ADGRF3: variants seen among roughly 807,000 people sequenced by gnomAD.
ADGRF3 encodes adhesion G protein-coupled receptor F3, also known as G protein-coupled receptor 113.
Under a neutral mutation model 93.2 loss-of-function variants are expected in ADGRF3, and 85 were observed. The observed-to-expected ratio is 0.91, with a 90% CI of 0.77 to 1.09. The LOEUF is 1.09. ADGRF3 is among the 50% of genes least tolerant of loss of function. The probability of loss-of-function intolerance (pLI) is 0.00; values close to 1 mark genes in which losing one functional copy is unlikely to be tolerated. For synonymous variants in ADGRF3, 534 were observed against 532.5 expected, an observed-to-expected ratio of 1.00 and a Z score of -0.04; for missense variants, 1,125 against 1,246.2, an observed-to-expected ratio of 0.90 and a Z score of 1.46.
Position 26,311,902 on chromosome 2 carries a change from A to G in ADGRF3, c.1622T>C (p.Leu541Pro), listed in dbSNP as rs763653034. 1 of 1,613,938 alleles carries G rather than the reference A, an allele frequency of 6.2e-7. No individual in the cohort carries two copies. Among genetic ancestry groups the G allele is most frequent in the Non-Finnish European group, 8.5e-7 (1 of 1,179,850 alleles). Reference protein sequence around the residue: ...HPFAFSLPNVLLQSQLFGPTF... With the variant: ...HPFAFSLPNVPLQSQLFGPTF... ...GGGTCCAAACAGCTGGCTCTGCAGC[A>G]GCACATTGGGTAAGCTGAAGGCGAA... The change falls in exon 10 of 14, where the codon CTG (leucine) becomes CCG (proline). Residue 541 changes from leucine to proline, a missense_variant. Physicochemically the swap from Leu to Pro is moderately conservative, Grantham distance 98 (BLOSUM62 -3). Coordinates refer to ENST00000651242, the MANE Select transcript of ADGRF3 (RefSeq NM_001321971.2).
At chr2:26,325,974 T>C (rs931275353) in intron 1 of ADGRF3, among the ~76,000 whole-genome samples, 1 of 152,150 alleles carries the variant, frequency 6.6e-6, no homozygotes, top group Non-Finnish European at 1.5e-5. Context: ...TGCAAGATGG[T>C]AGTATTACTC....
intron 1 of ADGRF3, 127 bp from the exon 2 acceptor site, chr2:26,317,689 C>T: frequency 1.2e-6 from 1 of 860,110 alleles, no homozygotes; most frequent in Non-Finnish European, 1.9e-6. Context: ...GTCAAGTGTA[C>T]ACATCAGGAA....
intron 1 of ADGRF3, among the ~76,000 whole-genome samples, chr2:26,324,117 G>A (rs751029822): frequency 1.7e-4 from 26 of 152,220 alleles, no homozygotes; most frequent in Non-Finnish European, 3.2e-4. Flanking sequence ...TGGGTGTGGC[G>A]GCACATGCTT....
At chr2:26,342,746 A>G (rs1160370082) in intron 1 of ADGRF3, among the ~76,000 whole-genome samples, 1 of 152,132 alleles carries the variant, frequency 6.6e-6, no homozygotes, top group Non-Finnish European at 1.5e-5. Context: ...ACAGATGGGA[A>G]TAACAAGGCC....
At chr2:26,316,868 C>A (rs1187800737) in intron 3 of ADGRF3, 44 bp downstream of exon 3, 9 of 1,560,688 alleles carry the variant, frequency 5.8e-6, no homozygotes, top group Non-Finnish European at 7.8e-6. Flanking sequence ...GGCCCGGGAG[C>A]CTATGTTCAT....
chr2:26,311,086 CGG>C lies in ADGRF3; in HGVS notation c.2436_2437del (p.His812GlnfsTer171), dbSNP rs1674062298. The C allele has an allele frequency of 3.1e-6, 5 of 1,603,806 alleles. No individual in the cohort carries two copies. The highest frequency in any genetic ancestry group is 4.3e-6 in the Non-Finnish European group (5 of 1,175,398). On this transcript the variant is annotated frameshift_variant, in exon 10 of 14. Coordinates refer to ENST00000651242, the MANE Select transcript of ADGRF3 (RefSeq NM_001321971.2). LOFTEE classifies it high-confidence loss of function. Reference sequence around the variant, plus strand: ...CAGGAGCACCATGAGGGGGAGAACTCGGTGCTTTGCCAGCTGGTGAAAGACAA... The same window carrying C: ...CAGGAGCACCATGAGGGGGAGAACTCTGCTTTGCCAGCTGGTGAAAGACAA...
chr2:26,317,639 A>G, intron 1 of ADGRF3, 77 bp from the exon 2 acceptor site: 1 of 1,261,818 alleles, frequency 7.9e-7, no homozygotes. Context: ...AGTCTCAGCC[A>G]GCATGACTCA....
chr2:26,319,627 GTTTC>G (rs1267816826), intron 1 of ADGRF3, among the ~76,000 whole-genome samples: 13 of 102,298 alleles, frequency 1.3e-4, no homozygotes, highest in Admixed American at 8.9e-4. Flanking sequence ...TTCTTTCTTT[GTTTC>G]TTTCTTTCTC....
In ADGRF3 at chr2:26,346,341, G is replaced by A; in HGVS notation, c.-107C>T. On this transcript the variant is annotated 5_prime_UTR_variant, in exon 1 of 14. Coordinates refer to ENST00000651242, the MANE Select transcript of ADGRF3 (RefSeq NM_001321971.2). ...TCCCTGCTCCCGGCCTCGCCCAGGC[G>A]GCTGAGGGGCCCGCGCGGCGCGGTC... 1 of 1,566,210 alleles carries A rather than the reference G, an allele frequency of 6.4e-7. No homozygotes were observed. Among genetic ancestry groups the A allele is most frequent in the South Asian group, 1.2e-5 (1 of 86,768 alleles).
intron 1 of ADGRF3, among the ~76,000 whole-genome samples, chr2:26,325,640 T>C (rs1675396376): frequency 6.6e-6 from 1 of 152,214 alleles, no homozygotes; most frequent in South Asian, 2.1e-4. Flanking sequence ...AAAAGTTTCA[T>C]GCTGACCTTA....
chr2:26,317,376 C>CT, intron 2 of ADGRF3, 120 bp downstream of exon 2: 1 of 948,216 alleles, frequency 1.1e-6, no homozygotes, highest in South Asian at 1.6e-5. Context: ...AGAGCCAGTC[C>CT]TCTCTCTCCG....
intron 1 of ADGRF3, chr2:26,345,791 T>C: frequency 2.8e-6 from 1 of 352,644 alleles, no homozygotes; most frequent in Non-Finnish European, 5.3e-6. Context: ...ACCACGCAAG[T>C]GCGGATACCA....
intron 9 of ADGRF3, 91 bp downstream of exon 9, chr2:26,312,851 TG>T: frequency 1.6e-6 from 2 of 1,227,220 alleles, no homozygotes; most frequent in Non-Finnish European, 2.3e-6. Flanking sequence ...CAACAGCCCA[TG>T]GTGACATCAG....
intron 1 of ADGRF3, among the ~76,000 whole-genome samples, chr2:26,320,887 C>T (rs1675109935): frequency 6.6e-6 from 1 of 152,064 alleles, no homozygotes; most frequent in Non-Finnish European, 1.5e-5. Flanking sequence ...ATATTATGCT[C>T]CCATGTATGT....
At chr2:26,309,990 C>A in intron 12 of ADGRF3, 53 bp downstream of exon 12, 6 of 1,614,066 alleles carry the variant, frequency 3.7e-6, no homozygotes, top group African/African-American at 2.7e-5. Context: ...CCATGGAATG[C>A]CTTCTGACAT....
intron 1 of ADGRF3, among the ~76,000 whole-genome samples, chr2:26,332,987 C>T (rs1045808062): frequency 8.6e-5 from 13 of 152,010 alleles, no homozygotes; most frequent in Admixed American, 4.6e-4. Flanking sequence ...TTTGTTTCTC[C>T]GACAAGATAA....
At chr2:26,309,770 CT>C (rs1481582850) in intron 12 of ADGRF3, among the ~76,000 whole-genome samples, 189 bp from the exon 13 acceptor site, 2 of 152,190 alleles carry the variant, frequency 1.3e-5, no homozygotes, top group Admixed American at 1.3e-4. Context: ...CAAATGCTAA[CT>C]GGAGGCAGAT....
chr2:26,317,583 G>A (rs1250277501), intron 1 of ADGRF3, 21 bp from the exon 2 acceptor site: 3 of 1,558,056 alleles, frequency 1.9e-6, no homozygotes, highest in East Asian at 4.8e-5. Context: ...ACACAGAGGG[G>A]AGACCTCAAG....
chr2:26,313,461 C>T lies in ADGRF3; in HGVS notation c.1185G>A (p.Arg395=). Residue 395 remains arginine (R), a synonymous_variant, in exon 8 of 14, where the codon AGG becomes AGA. Transcript: ENST00000651242. The part of the protein sequence containing the change: ...CPESKRGIVR[R]LCGADGVWGP... ...CCCAGACTCCGTCAGCCCCACAGAG[C>T]CTCCTCACTATGCCCCTCTTGCTCT... The T allele has an allele frequency of 6.2e-7, 1 of 1,611,070 alleles. No individual in the cohort carries two copies. The highest frequency in any genetic ancestry group is 8.5e-7 in the Non-Finnish European group (1 of 1,178,752).
Sources: allele counts gnomAD v4.1 joint callset (sites outside exome capture counted in the v4.1 genomes callset), GRCh38; gene constraint gnomAD v4.1.1; transcripts MANE v1.5; gene names NCBI Gene and HGNC (gene_info 2026-07-23, HGNC 2026-07-21).